Variants in ZDHHC21 observed in about 807,000 individuals in gnomAD.
ZDHHC21 encodes palmitoyltransferase ZDHHC21.
A neutral mutation model predicts 34.6 loss-of-function variants in ZDHHC21; 15 were observed. The observed-to-expected ratio is 0.43, with a 90% CI of 0.29 to 0.67. ZDHHC21 has a LOEUF of 0.67. Among genes scored for constraint, ZDHHC21 ranks in the 30% least tolerant of loss-of-function variants. The pLI, the probability that ZDHHC21 is intolerant of heterozygous loss-of-function variation, is 0.14. For missense variants in ZDHHC21, 344 were observed against 327.7 expected, an observed-to-expected ratio of 1.05 and a Z score of -0.38; for synonymous variants, 142 against 101.8, an observed-to-expected ratio of 1.40 and a Z score of -2.38.
At chr9:14,678,302 T>G (rs1437756728) in intron 3 of ZDHHC21, among the ~76,000 whole-genome samples, 2 of 151,918 alleles carry the variant, frequency 1.3e-5, no homozygotes, top group East Asian at 3.9e-4. Context: ...ACATAAAAAT[T>G]AACACATCTG....
chr9:14,598,924 AAT>A, the ZDHHC21 span, among the ~76,000 whole-genome samples: 6 of 126,084 alleles, frequency 4.8e-5, no homozygotes, highest in Non-Finnish European at 6.3e-5. Flanking sequence ...GGCCTAGCTA[AAT>A]TTTTTTTTGT....
chr9:14,625,003 G>T (rs1349881905), intron 8 of ZDHHC21, among the ~76,000 whole-genome samples: 1 of 151,934 alleles, frequency 6.6e-6, no homozygotes, highest in Admixed American at 6.6e-5. Flanking sequence ...AACTTTGCCT[G>T]CTTTATCTAT....
At chr9:14,665,467 G>A (rs1834251164) in intron 5 of ZDHHC21, among the ~76,000 whole-genome samples, 1 of 150,574 alleles carries the variant, frequency 6.6e-6, no homozygotes, top group Admixed American at 6.6e-5. Context: ...AGCAAGGCAG[G>A]CCAACGTTCA....
At position 14,676,444 on chromosome 9, in the gene ZDHHC21, T is replaced by C. The variant is rs550937300; in HGVS notation, c.-45-2059A>G. Among the ~76,000 whole-genome samples, 7 of 152,056 alleles carry C rather than the reference T, an allele frequency of 4.6e-5. No individual in the cohort carries two copies. The South Asian group carries it at 1.4e-3, about 31-fold the overall frequency. ...GAAAAAGAGATTAAGGAATACTTGA[T>C]TTTAAAGGAATACCCCCAGTTTCTC... is the stretch of plus-strand genomic sequence containing the variant. On this transcript the variant is annotated intron_variant, in intron 3 of 9. Transcript: ENST00000380916.
chr9:14,673,689 T>G (rs997758810), intron 4 of ZDHHC21, among the ~76,000 whole-genome samples: 2 of 151,798 alleles, frequency 1.3e-5, no homozygotes, highest in Admixed American at 1.3e-4. Context: ...GTAAATGCCA[T>G]GTACATGTAA....
chr9:14,652,100 T>C (rs1025677985), intron 7 of ZDHHC21, among the ~76,000 whole-genome samples: 29 of 151,986 alleles, frequency 1.9e-4, no homozygotes, highest in African/African-American at 7.0e-4. Context: ...AAGTTTATAA[T>C]CTTTATTGAT....
At position 14,618,891 on chromosome 9, in the gene ZDHHC21, T is replaced by C. The variant is rs976713671; in HGVS notation, c.*75A>G. ...TGGATTTTAATTGACTTGAAGACTG[T>C]CATAGTTCTATTATCATAAAACCTG... On this transcript the variant is annotated 3_prime_UTR_variant, in exon 10 of 10. Coordinates refer to ENST00000380916, the MANE Select transcript of ZDHHC21 (RefSeq NM_178566.6). The C allele has an allele frequency of 4.1e-6, 6 of 1,450,990 alleles. No individual in the cohort carries two copies. The highest frequency in any genetic ancestry group is 5.5e-6 in the Non-Finnish European group (6 of 1,092,448). The allele number at this position is 1,450,990 out of a possible 1,614,324, so 89.9% of individuals were successfully genotyped here. A position where few individuals can be genotyped will look rare whatever the true frequency, so the allele number is the denominator to read the frequency against.
At chr9:14,643,529 C>A in intron 7 of ZDHHC21, among the ~76,000 whole-genome samples, 1 of 152,146 alleles carries the variant, frequency 6.6e-6, no homozygotes, top group Non-Finnish European at 1.5e-5. Context: ...TTTACGTAGT[C>A]CAATGTATCA....
chr9:14,691,511 A>G (rs181138949), intron 1 of ZDHHC21, among the ~76,000 whole-genome samples: 67 of 152,354 alleles, frequency 4.4e-4, no homozygotes, highest in African/African-American at 1.5e-3. Flanking sequence ...TAAGAAGTAC[A>G]TGTTATGATT....
At chr9:14,602,009 C>T in the ZDHHC21 span, among the ~76,000 whole-genome samples, 1 of 151,648 alleles carries the variant, frequency 6.6e-6, no homozygotes. Flanking sequence ...GGTGGGGGAG[C>T]TAGGGGAGGG....
chr9:14,691,504 G>C (rs552329545), intron 1 of ZDHHC21, among the ~76,000 whole-genome samples: 1 of 152,348 alleles, frequency 6.6e-6, no homozygotes, highest in East Asian at 1.9e-4. Context: ...AGGCAAATAA[G>C]AAGTACATGT....
At chr9:14,658,681 C>A in intron 7 of ZDHHC21, 68 bp downstream of exon 7, 2 of 1,334,602 alleles carry the variant, frequency 1.5e-6, no homozygotes, top group Admixed American at 3.7e-5. Context: ...CCGTGTTAGC[C>A]AGGATGGTCT....
At chr9:14,652,147 A>G (rs1831342182) in intron 7 of ZDHHC21, among the ~76,000 whole-genome samples, 1 of 151,938 alleles carries the variant, frequency 6.6e-6, no homozygotes, top group Admixed American at 6.6e-5. Flanking sequence ...ATTTATCTCC[A>G]TTTATTTAGA....
chr9:14,648,940 T>A (rs1000624079), intron 7 of ZDHHC21, among the ~76,000 whole-genome samples: 4 of 59,880 alleles, frequency 6.7e-5, no homozygotes, highest in Admixed American at 1.7e-4. Flanking sequence ...AAAGTAAAAA[T>A]TTTTTTTTTC....
At chr9:14,620,148 A>C (rs919562457) in intron 8 of ZDHHC21, among the ~76,000 whole-genome samples, 3 of 152,074 alleles carry the variant, frequency 2.0e-5, no homozygotes, top group African/African-American at 7.2e-5. Flanking sequence ...TCAACAAGGC[A>C]ATCTATGAAT....
chr9:14,673,602 C>A (rs1261436417), intron 4 of ZDHHC21, among the ~76,000 whole-genome samples: 1 of 150,646 alleles, frequency 6.6e-6, no homozygotes, highest in African/African-American at 2.4e-5. Context: ...TGCATAGTAC[C>A]GGTCAGTTTT....
At chr9:14,608,493 T>C (rs372973773), downstream of ZDHHC21, among the ~76,000 whole-genome samples, 6 of 152,296 alleles carry the variant, frequency 3.9e-5, no homozygotes, top group East Asian at 3.9e-4. Flanking sequence ...AGTCTGGCTT[T>C]CTTAAAAAAT....
intron 8 of ZDHHC21, among the ~76,000 whole-genome samples, chr9:14,627,496 G>A (rs1247250171): frequency 2.0e-5 from 3 of 151,858 alleles, no homozygotes; most frequent in Non-Finnish European, 4.4e-5. Flanking sequence ...TTTTTTGTTT[G>A]AGAATTTAGT....
chr9:14,674,613 A>C (rs764587556), intron 3 of ZDHHC21, among the ~76,000 whole-genome samples: 53 of 152,178 alleles, frequency 3.5e-4, no homozygotes, highest in Middle Eastern at 3.4e-3. Flanking sequence ...ATAAGCTTCA[A>C]ATAATTTCAA....
Sources: gnomAD v4.1 joint callset for allele counts (sites outside exome capture counted in the v4.1 genomes callset) on GRCh38, gnomAD v4.1.1 for gene constraint, MANE v1.5 for transcripts, NCBI Gene and HGNC (gene_info 2026-07-23, HGNC 2026-07-21) for gene names.